Variants in DLGAP2 observed in about 807,000 individuals in gnomAD.
The protein encoded by DLGAP2 is disks large-associated protein 2.
In DLGAP2, 26 loss-of-function variants were observed where a neutral mutation model predicts 100.3. The observed-to-expected ratio is 0.26, with a 90% CI of 0.19 to 0.36. The LOEUF is 0.36. Among genes scored for constraint, DLGAP2 ranks in the 10% least tolerant of loss-of-function variants. The pLI, the probability that DLGAP2 is intolerant of heterozygous loss-of-function variation, is 1.00. For synonymous variants in DLGAP2, 886 were observed against 630.1 expected, an observed-to-expected ratio of 1.41 and a Z score of -6.08; for missense variants, 1,858 against 1,453.2, an observed-to-expected ratio of 1.28 and a Z score of -4.53.
At chr8:1,119,677 G>A (rs565179854) in intron 2 of DLGAP2, among the ~76,000 whole-genome samples, 6 of 152,196 alleles carry the variant, frequency 3.9e-5, no homozygotes, top group Non-Finnish European at 8.8e-5. Context: ...GAGAGGCTTC[G>A]CCACTCAACT....
In DLGAP2 at chr8:1,549,571, C is replaced by A. The variant is rs1346952995; in HGVS notation, c.1118C>A (p.Thr373Lys). The A allele has an allele frequency of 6.2e-7, 1 of 1,612,850 alleles. No homozygotes were observed. Among genetic ancestry groups the A allele is most frequent in the Non-Finnish European group, 8.5e-7 (1 of 1,179,770 alleles). Residue 373 changes from threonine (T) to lysine (K), a missense_variant, in exon 5 of 15, where the codon ACG becomes AAG. By Grantham distance (78) the Thr-to-Lys change is moderately conservative (BLOSUM62 -1). Transcript: ENST00000637795. ...TACCTGAAGCGCAGCTCCTGGTCTA[C>A]GCTGACGGTCAGCCAGGCCAAGGAG... is the stretch of plus-strand genomic sequence containing the variant. Reference protein sequence around the residue: ...AKYLKRSSWSTLTVSQAKEAY... With the variant: ...AKYLKRSSWSKLTVSQAKEAY...
intron 1 of DLGAP2, among the ~76,000 whole-genome samples, chr8:788,189 C>T (rs1464734996): frequency 6.6e-6 from 1 of 152,224 alleles, no homozygotes; most frequent in African/African-American, 2.4e-5. Flanking sequence ...GTACGTCGCT[C>T]CCAAATCATG....
At chr8:1,539,672 T>G (rs895072813) in intron 4 of DLGAP2, among the ~76,000 whole-genome samples, 1 of 151,220 alleles carries the variant, frequency 6.6e-6, no homozygotes, top group African/African-American at 2.4e-5. Flanking sequence ...ACCTTCTCCC[T>G]CTCCAGACTC....
intron 2 of DLGAP2, among the ~76,000 whole-genome samples, chr8:944,501 G>T (rs1056189830): frequency 6.6e-6 from 1 of 152,098 alleles, no homozygotes; most frequent in Non-Finnish European, 1.5e-5. Flanking sequence ...GTGATCCATT[G>T]GGTGGTAACC....
At chr8:789,654 C>T (rs1417768026) in intron 1 of DLGAP2, among the ~76,000 whole-genome samples, 1 of 152,198 alleles carries the variant, frequency 6.6e-6, no homozygotes, top group African/African-American at 2.4e-5. Flanking sequence ...AGATAGCCCC[C>T]AAAGTGGAAG....
chr8:856,171 A>ATCTTCTTCTTCT (rs55832882), intron 1 of DLGAP2, among the ~76,000 whole-genome samples: 46,061 of 125,300 alleles, frequency 0.37, 9,690 homozygotes, highest in Admixed American at 0.48. Flanking sequence ...TAGTGGAAAA[A>ATCTTCTTCTTCT]TCTTCTTCTT....
chr8:964,568 C>T (rs1799801372), intron 2 of DLGAP2, among the ~76,000 whole-genome samples: 1 of 152,276 alleles, frequency 6.6e-6, no homozygotes, highest in African/African-American at 2.4e-5. Flanking sequence ...TTGCTGGTAT[C>T]TGCCGTGTTC....
chr8:1,005,435 G>A (rs183498246), intron 2 of DLGAP2, among the ~76,000 whole-genome samples: 50 of 147,646 alleles, frequency 3.4e-4, no homozygotes, highest in Non-Finnish European at 4.5e-5. Flanking sequence ...TTGAGATGGG[G>A]TCTTGCTCTG....
intron 4 of DLGAP2, 131 bp from the exon 5 acceptor site, chr8:1,548,495 T>G (rs1801627691): frequency 9.1e-6 from 3 of 329,642 alleles, no homozygotes; most frequent in Non-Finnish European, 1.6e-5. Flanking sequence ...CCCACAAATC[T>G]GCCCTCTCGA....
chr8:1,099,823 G>A (rs1169786862), intron 2 of DLGAP2, among the ~76,000 whole-genome samples: 5 of 152,186 alleles, frequency 3.3e-5, no homozygotes, highest in African/African-American at 1.2e-4. Flanking sequence ...TCACTTAAAT[G>A]TGATAATTCC....
chr8:1,124,604 G>T (rs1796124034), intron 2 of DLGAP2, among the ~76,000 whole-genome samples: 1 of 152,130 alleles, frequency 6.6e-6, no homozygotes, highest in South Asian at 2.1e-4. Context: ...CTGTGTTCCT[G>T]CACTAAGCTG....
chr8:1,004,949 G>T (rs947620735), intron 2 of DLGAP2, among the ~76,000 whole-genome samples: 1 of 152,228 alleles, frequency 6.6e-6, no homozygotes, highest in Non-Finnish European at 1.5e-5. Flanking sequence ...CTGCGTGGCA[G>T]CAGGGATGGT....
intron 3 of DLGAP2, chr8:1,262,324 G>A (rs766188758): frequency 5.3e-5 from 8 of 152,128 alleles, no homozygotes; most frequent in Non-Finnish European, 1.0e-4. Context: ...TCTGTATTAC[G>A]AGGTTTTGAA....
intron 3 of DLGAP2, among the ~76,000 whole-genome samples, chr8:1,320,827 G>T (rs1349072534): frequency 1.3e-5 from 2 of 152,244 alleles, no homozygotes; most frequent in African/African-American, 4.8e-5. Context: ...CCACCTGTGT[G>T]TGTCTGTGTG....
intron 2 of DLGAP2, among the ~76,000 whole-genome samples, chr8:1,087,553 CT>C (rs34152210): frequency 0.25 from 36,862 of 146,414 alleles, 4,503 homozygotes; most frequent in Non-Finnish European, 0.27. Flanking sequence ...CTCTCTCTCT[CT>C]TTTTTTTTTT....
At chr8:1,206,349 C>T (rs1452419760) in intron 2 of DLGAP2, among the ~76,000 whole-genome samples, 1 of 135,652 alleles carries the variant, frequency 7.4e-6, no homozygotes, top group African/African-American at 3.2e-5. Context: ...GGTTAATCTC[C>T]AGCCATCCGT....
intron 3 of DLGAP2, among the ~76,000 whole-genome samples, chr8:1,299,483 G>A (rs1018902213): frequency 5.9e-5 from 9 of 152,336 alleles, no homozygotes; most frequent in African/African-American, 2.2e-4. Context: ...TCTTAGGAAT[G>A]CCAGGTTGCA....
chr8:981,442 T>C (rs1003891570), intron 2 of DLGAP2, among the ~76,000 whole-genome samples: 3 of 152,120 alleles, frequency 2.0e-5, no homozygotes, highest in Admixed American at 6.5e-5. Flanking sequence ...TGGCTTTGTA[T>C]CTAGGAGTGG....
chr8:1,630,428 C>T (rs1045694660), intron 7 of DLGAP2, among the ~76,000 whole-genome samples: 5 of 152,054 alleles, frequency 3.3e-5, no homozygotes, highest in African/African-American at 1.2e-4. Context: ...CTTGGCCAGT[C>T]GCGGTGGCTC....
Sources: allele counts gnomAD v4.1 joint callset (sites outside exome capture counted in the v4.1 genomes callset), GRCh38; gene constraint gnomAD v4.1.1; transcripts MANE v1.5; gene names NCBI Gene and HGNC (gene_info 2026-07-23, HGNC 2026-07-21).